Variants in WBP2NL observed in about 807,000 individuals in gnomAD.
WBP2NL encodes the protein postacrosomal sheath WW domain-binding protein.
Under a neutral mutation model 23.3 loss-of-function variants are expected in WBP2NL, and 27 were observed. That is an observed-to-expected ratio of 1.16 (90% CI 0.85 to 1.60). WBP2NL has a LOEUF of 1.60. WBP2NL is among the 40% of genes most tolerant of loss of function. The pLI is 0.00. For synonymous variants in WBP2NL, 151 were observed against 145.9 expected (o/e 1.03, Z -0.25); for missense variants, 370 against 389.5 (o/e 0.95, Z 0.42).
chr22:42,007,756 A>T (rs1922387374), intron 1 of WBP2NL, among the ~76,000 whole-genome samples: 1 of 152,234 alleles, frequency 6.6e-6, no homozygotes, highest in Non-Finnish European at 1.5e-5. Flanking sequence ...GTTGAAAAAT[A>T]TTCCATTGTA....
At chr22:42,047,618 C>CA (rs200471828) in intron 8 of WBP2NL, among the ~76,000 whole-genome samples, 22 of 129,860 alleles carry the variant, frequency 1.7e-4, no homozygotes, top group East Asian at 4.3e-4. Flanking sequence ...AAAAACCAAT[C>CA]AAATTTTTTT....
chr22:42,026,437 C>G (rs772727271), intron 5 of WBP2NL, among the ~76,000 whole-genome samples: 5 of 151,894 alleles, frequency 3.3e-5, no homozygotes, highest in Non-Finnish European at 7.4e-5. Context: ...TTCCTCTTTT[C>G]TCTATTTTCC....
rs1602468173 is a variant in WBP2NL at position 42,027,283 on chromosome 22, C to T, written c.*102C>T. 4.2e-6 allele frequency: 6 copies of T among 1,422,334 alleles called. No individual in the cohort carries two copies. Among genetic ancestry groups the T allele is most frequent in the Non-Finnish European group, 5.6e-6 (6 of 1,071,932 alleles). 88.1% of individuals were successfully genotyped at this position (1,422,334 alleles called of 1,614,324 possible). On this transcript the variant is annotated 3_prime_UTR_variant, in exon 6 of 6. Coordinates refer to ENST00000328823, the MANE Select transcript of WBP2NL (RefSeq NM_152613.3). ...CTCAGGTATGTGATCACAGGCTTCTCGCAGGTAGTTGTTCCACCCTTTGGA... is the reference window on the plus strand; with the variant it reads ...CTCAGGTATGTGATCACAGGCTTCTTGCAGGTAGTTGTTCCACCCTTTGGA...
At chr22:42,029,495 C>T (rs1219110706), downstream of WBP2NL, among the ~76,000 whole-genome samples, 1 of 152,060 alleles carries the variant, frequency 6.6e-6, no homozygotes, top group East Asian at 1.9e-4. Flanking sequence ...CCTCAACCTC[C>T]TGAGTAGCTG....
At chr22:42,020,894 ATATATATATATATATTTTTTTTTT>A (rs1923883527) in intron 4 of WBP2NL, among the ~76,000 whole-genome samples, 1 of 40,264 alleles carries the variant, frequency 2.5e-5, no homozygotes, top group Non-Finnish European at 4.4e-5. Context: ...ATATATATAT[ATATATATATATATATTTTTTTTTT>A]TTTTTTTTTT....
intron 1 of WBP2NL, among the ~76,000 whole-genome samples, chr22:42,016,587 A>G (rs1030950884): frequency 6.6e-6 from 1 of 152,180 alleles, no homozygotes; most frequent in African/African-American, 2.4e-5. Flanking sequence ...CCTAGTTACC[A>G]TAAGCTTTTG....
Position 42,027,341 on chromosome 22 carries a change from C to A in WBP2NL, c.*160C>A. ...TCTTATGGGGGAAGGTGAAACTTTACTTCTGTGCCTAGATTTTAGAAGCAG... is the reference window on the plus strand; with the variant it reads ...TCTTATGGGGGAAGGTGAAACTTTAATTCTGTGCCTAGATTTTAGAAGCAG... On this transcript the variant is annotated 3_prime_UTR_variant, in exon 6 of 6. Transcript: ENST00000328823. The A allele has an allele frequency of 1.1e-6, 1 of 883,996 alleles. No individual in the cohort carries two copies. The highest frequency in any genetic ancestry group is 1.6e-6 in the Non-Finnish European group (1 of 618,668). The allele number at this position is 883,996 out of a possible 1,614,324, so 54.8% of individuals were successfully genotyped here.
At chr22:42,029,678 G>T (rs1419128388), downstream of WBP2NL, among the ~76,000 whole-genome samples, 1 of 152,130 alleles carries the variant, frequency 6.6e-6, no homozygotes, top group Non-Finnish European at 1.5e-5. Context: ...GGCCTTCTAT[G>T]CATATTTCTT....
chr22:42,038,311 C>T (rs1925267534), intron 8 of WBP2NL, among the ~76,000 whole-genome samples: 1 of 152,150 alleles, frequency 6.6e-6, no homozygotes, highest in South Asian at 2.1e-4. Context: ...GACCTTGTAT[C>T]CTATGGATAA....
chr22:42,026,010 G>A (rs970646261), intron 5 of WBP2NL, among the ~76,000 whole-genome samples: 4 of 152,048 alleles, frequency 2.6e-5, no homozygotes, highest in Non-Finnish European at 2.9e-5. Context: ...AGTGGCTCAC[G>A]CCTGTAATCC....
At chr22:41,999,057 A>T (rs1454425184) in intron 1 of WBP2NL, among the ~76,000 whole-genome samples, 177 bp downstream of exon 1, 2 of 83,490 alleles carry the variant, frequency 2.4e-5, no homozygotes, top group East Asian at 7.4e-4. Flanking sequence ...CGGCATGTGG[A>T]GGTGGCGGAG....
At chr22:42,056,892 C>A (rs1036143322) in intron 8 of WBP2NL, among the ~76,000 whole-genome samples, 1 of 152,018 alleles carries the variant, frequency 6.6e-6, no homozygotes, top group Non-Finnish European at 1.5e-5. Context: ...TACCCATTGC[C>A]TTCTTGTTTC....
At chr22:42,026,369 A>G (rs1455852680) in intron 5 of WBP2NL, among the ~76,000 whole-genome samples, 1 of 151,690 alleles carries the variant, frequency 6.6e-6, no homozygotes, top group Non-Finnish European at 1.5e-5. Context: ...AGATTCTACA[A>G]AGAAATACAC....
intron 8 of WBP2NL, among the ~76,000 whole-genome samples, chr22:42,039,488 C>T (rs1013610978): frequency 1.2e-4 from 18 of 151,992 alleles, no homozygotes; most frequent in Non-Finnish European, 2.2e-4. Flanking sequence ...CCACTACGCT[C>T]AGCCTGGAAT....
chr22:42,019,611 A>G, intron 2 of WBP2NL, 51 bp from the exon 3 acceptor site: 2 of 1,609,986 alleles, frequency 1.2e-6, no homozygotes, highest in South Asian at 1.1e-5. Context: ...GTAAGTCTCA[A>G]TCCATGGACA....
chr22:42,025,006 T>C (rs1474529014), intron 5 of WBP2NL, among the ~76,000 whole-genome samples: 1 of 152,208 alleles, frequency 6.6e-6, no homozygotes. Context: ...TTTCACCATG[T>C]TGTTCAGACT....
chr22:42,045,860 A>T (rs1925567859), intron 8 of WBP2NL, among the ~76,000 whole-genome samples: 1 of 152,244 alleles, frequency 6.6e-6, no homozygotes. Context: ...ATTTACTTTT[A>T]AAATGCTTGA....
downstream of WBP2NL, chr22:42,029,981 C>T (rs1422929379): frequency 6.6e-6 from 1 of 152,158 alleles, no homozygotes; most frequent in African/African-American, 2.4e-5. Context: ...ATTAGGAAAC[C>T]AGATGCTCCC....
downstream of WBP2NL, among the ~76,000 whole-genome samples, chr22:42,033,979 C>G (rs939999366): frequency 2.6e-5 from 4 of 152,224 alleles, no homozygotes; most frequent in Admixed American, 6.5e-5. Context: ...CACCAGGGAC[C>G]CATCCCCTTC....
Sources: allele counts gnomAD v4.1 joint callset (sites outside exome capture counted in the v4.1 genomes callset), GRCh38; gene constraint gnomAD v4.1.1; transcripts MANE v1.5; gene names NCBI Gene and HGNC (gene_info 2026-07-23, HGNC 2026-07-21).